The following SNX4 variants were observed in gnomAD, a reference collection of about 807,000 sequenced individuals.
SNX4 encodes sorting nexin-4.
A neutral mutation model predicts 70.8 loss-of-function variants in SNX4; 49 were observed. The ratio of observed to expected loss-of-function variants is 0.69; its 90% confidence interval spans 0.55 to 0.88. The LOEUF is 0.88. Ranked by LOEUF, SNX4 falls within the 40% of genes least tolerant of loss-of-function variation. The pLI, the probability that SNX4 is intolerant of heterozygous loss-of-function variation, is 0.00. For synonymous variants in SNX4, 206 were observed against 183.8 expected, an observed-to-expected ratio of 1.12 and a Z score of -0.98; for missense variants, 528 against 544.8, an observed-to-expected ratio of 0.97 and a Z score of 0.31.
intron 1 of SNX4, among the ~76,000 whole-genome samples, chr3:125,507,289 T>C (rs1213501300): frequency 6.7e-6 from 1 of 148,756 alleles, no homozygotes; most frequent in Admixed American, 6.7e-5. Context: ...CAAAGGCAAA[T>C]TTGAGCAAGC....
At chr3:125,449,014 C>A (rs1280597807) in intron 13 of SNX4, 1 of 151,978 alleles carries the variant, frequency 6.6e-6, no homozygotes, top group East Asian at 1.9e-4. Flanking sequence ...CAATAAGATA[C>A]ATATTCTCCA....
chr3:125,498,339 C>A, intron 2 of SNX4, 145 bp from the exon 3 acceptor site: 1 of 806,268 alleles, frequency 1.2e-6, no homozygotes, highest in Non-Finnish European at 1.9e-6. Context: ...TCTTTTTTTT[C>A]AAGACAGGGT....
At position 125,446,678 on chromosome 3, in the gene SNX4, A is replaced by T. The variant is rs1037360725; in HGVS notation, c.*1101T>A. The T allele has an allele frequency of 1.3e-5, 2 of 152,624 alleles. No individual in the cohort carries two copies. The highest frequency in any genetic ancestry group is 1.3e-4 in the Admixed American group (2 of 15,268). The allele number at this position is 152,624 out of a possible 1,614,324, so 9.5% of individuals were successfully genotyped here. A position where few individuals can be genotyped will look rare whatever the true frequency, so the allele number is the denominator to read the frequency against. The stretch of plus-strand genomic sequence containing the variant: ...GCACAATATTTCATTTATTTATTGT[A>T]TAAGTTTGGCAAACAGCACAAAAAT... On this transcript the variant is annotated 3_prime_UTR_variant, in exon 14 of 14. Transcript: ENST00000251775.
At chr3:125,476,274 A>G (rs1490916923) in intron 8 of SNX4, among the ~76,000 whole-genome samples, 3 of 150,720 alleles carry the variant, frequency 2.0e-5, no homozygotes, top group Non-Finnish European at 3.0e-5. Context: ...TCAAAAAAAA[A>G]AAAAAAAAAA....
intron 5 of SNX4, among the ~76,000 whole-genome samples, chr3:125,494,739 T>C (rs1392929728): frequency 6.6e-6 from 1 of 152,202 alleles, no homozygotes; most frequent in Non-Finnish European, 1.5e-5. Context: ...GCTGACCACA[T>C]ACTGAATTAA....
chr3:125,493,646 T>C, intron 5 of SNX4, among the ~76,000 whole-genome samples: 1 of 137,432 alleles, frequency 7.3e-6, no homozygotes, highest in Admixed American at 7.8e-5. Flanking sequence ...AGAGCGAGAC[T>C]CCGTGTCAAA....
intron 9 of SNX4, among the ~76,000 whole-genome samples, chr3:125,461,797 G>A (rs547291426): frequency 6.6e-6 from 1 of 152,146 alleles, no homozygotes; most frequent in Non-Finnish European, 1.5e-5. Context: ...AAGTAGCTGG[G>A]ACTACAGGTG....
At chr3:125,465,121 A>T (rs1387667952) in intron 9 of SNX4, among the ~76,000 whole-genome samples, 1 of 152,034 alleles carries the variant, frequency 6.6e-6, no homozygotes, top group Admixed American at 6.6e-5. Context: ...GACTCCAGGG[A>T]TCTACTCACG....
At chr3:125,472,165 A>C (rs939938551) in intron 8 of SNX4, among the ~76,000 whole-genome samples, 1 of 152,238 alleles carries the variant, frequency 6.6e-6, no homozygotes, top group Non-Finnish European at 1.5e-5. Flanking sequence ...TTTTACAAAA[A>C]TTACTTAAGG....
intron 7 of SNX4, among the ~76,000 whole-genome samples, chr3:125,478,946 G>A (rs1301902561): frequency 6.6e-6 from 1 of 152,060 alleles, no homozygotes; most frequent in Non-Finnish European, 1.5e-5. Context: ...AATTCTCGCA[G>A]GTAACTTTTA....
intron 11 of SNX4, among the ~76,000 whole-genome samples, chr3:125,455,637 TGGTC>T (rs1933692203): frequency 1.3e-5 from 2 of 152,228 alleles, no homozygotes; most frequent in African/African-American, 4.8e-5. Context: ...ACATGTGTCC[TGGTC>T]ACAAGTCTTT....
Position 125,520,075 on chromosome 3 carries a change from T to A in SNX4, c.98A>T (p.Lys33Met). 6.5e-7 allele frequency: 1 copy of A among 1,549,172 alleles called. No individual in the cohort carries two copies. The highest frequency in any genetic ancestry group is 8.7e-7 in the Non-Finnish European group (1 of 1,151,184). ...CTCTTCTCCGGCCCCCTCCGCTTCCTTGCCGACCGCAGCCCCCAGCCCAGC... is the reference window on the plus strand; with the variant it reads ...CTCTTCTCCGGCCCCCTCCGCTTCCATGCCGACCGCAGCCCCCAGCCCAGC... ...PDAGLGAAVG[K>M]EAEGAGEESS... The change falls in exon 1 of 14, where the codon AAG (lysine) becomes ATG (methionine). Residue 33 changes from lysine to methionine, a missense_variant. Around this residue, in one of 3 missense-constraint regions of SNX4, gnomAD observed 341 missense variants for 312.2 expected, o/e 1.09. Coordinates refer to ENST00000251775, the MANE Select transcript of SNX4 (RefSeq NM_003794.4).
intron 8 of SNX4, among the ~76,000 whole-genome samples, chr3:125,474,974 A>AT (rs1281499938): frequency 1.3e-5 from 2 of 152,222 alleles, no homozygotes; most frequent in African/African-American, 4.8e-5. Flanking sequence ...AGCAATTAAT[A>AT]TTAAGTCAGA....
chr3:125,508,852 G>A (rs1025756131), intron 1 of SNX4, among the ~76,000 whole-genome samples: 1 of 151,876 alleles, frequency 6.6e-6, no homozygotes, highest in Non-Finnish European at 1.5e-5. Context: ...ACCTAACACC[G>A]ACACAAAAAC....
rs6799856 is a variant in SNX4, at chr3:125,451,536, T to C, written c.1191-117A>G. 131 of 667,788 alleles carry C rather than the reference T, an allele frequency of 2.0e-4. No homozygotes were observed. The African/African-American group carries it at 2.2e-3, about 11-fold the overall frequency. 41.4% of individuals were successfully genotyped at this position (667,788 alleles called of 1,614,324 possible). A position where few individuals can be genotyped will look rare whatever the true frequency, so the allele number is the denominator to read the frequency against. On this transcript the variant is annotated intron_variant, in intron 12 of 13. Coordinates refer to ENST00000251775, the MANE Select transcript of SNX4 (RefSeq NM_003794.4). ...TTGCCTATGTAGAAGGAAGAGTTAT[T>C]GCTTGTATAAGACAGTTTTTTTATT... is the stretch of plus-strand genomic sequence containing the variant.
chr3:125,448,669 CTTTTTT>C (rs921502028), intron 13 of SNX4, among the ~76,000 whole-genome samples: 34 of 95,366 alleles, frequency 3.6e-4, no homozygotes, highest in African/African-American at 1.5e-3. Flanking sequence ...GGGTTTTTTC[CTTTTTT>C]TTTTTTTTTT....
intron 8 of SNX4, among the ~76,000 whole-genome samples, chr3:125,470,583 C>T (rs894592644): frequency 3.3e-5 from 5 of 150,866 alleles, no homozygotes; most frequent in African/African-American, 1.2e-4. Flanking sequence ...ATCTAGAACT[C>T]GAACTGAAAA....
chr3:125,475,020 TTG>T (rs1292610621), intron 8 of SNX4, among the ~76,000 whole-genome samples: 4 of 152,186 alleles, frequency 2.6e-5, no homozygotes, highest in African/African-American at 9.6e-5. Context: ...ATAATACTAT[TTG>T]TCTTTCTTCC....
intron 10 of SNX4, 43 bp from the exon 11 acceptor site, chr3:125,457,408 C>G (rs1192165922): frequency 1.4e-6 from 2 of 1,432,840 alleles, no homozygotes; most frequent in Non-Finnish European, 2.0e-6. Flanking sequence ...TTTCCTTTAA[C>G]ATGTCAAACA....
Sources: gnomAD v4.1 joint callset for allele counts (sites outside exome capture counted in the v4.1 genomes callset) on GRCh38, gnomAD v4.1.1 for gene constraint, gnomAD v4.1.1 regional missense constraint, MANE v1.5 for transcripts, NCBI Gene and HGNC (gene_info 2026-07-23, HGNC 2026-07-21) for gene names.